ZNF425: variants seen among roughly 807,000 people sequenced by gnomAD.
ZNF425 encodes zinc finger protein 425.
A neutral mutation model predicts 17.0 loss-of-function variants in ZNF425; 21 were observed. The observed-to-expected ratio is 1.23, with a 90% confidence interval of 0.88 to 1.78. ZNF425 has a LOEUF of 1.78. Ranked by LOEUF, ZNF425 falls within the 40% of genes most tolerant of loss-of-function variation. The probability of loss-of-function intolerance (pLI) is 0.00; values close to 1 mark genes in which losing one functional copy is unlikely to be tolerated. For missense variants in ZNF425, 868 were observed against 967.3 expected (o/e 0.90, Z 1.36); for synonymous variants, 433 against 384.1 (o/e 1.13, Z -1.49).
intron 1 of ZNF425, among the ~76,000 whole-genome samples, chr7:149,121,754 G>C (rs1043878864): frequency 6.6e-6 from 1 of 152,104 alleles, no homozygotes; most frequent in Non-Finnish European, 1.5e-5. Flanking sequence ...CCAGCATTTG[G>C]CAATGTCACT....
At chr7:149,108,367 A>G (rs912615938) in intron 3 of ZNF425, among the ~76,000 whole-genome samples, 1 of 152,182 alleles carries the variant, frequency 6.6e-6, no homozygotes, top group African/African-American at 2.4e-5. Flanking sequence ...CAACATGATC[A>G]TATGATTTAG....
intron 1 of ZNF425, among the ~76,000 whole-genome samples, chr7:149,118,959 T>C (rs1216019383): frequency 2.0e-5 from 3 of 152,280 alleles, no homozygotes; most frequent in South Asian, 2.1e-4. Context: ...TGTCAGTTTT[T>C]GAAAAATGTT....
chr7:149,112,606 C>A (rs1826191952), intron 2 of ZNF425, among the ~76,000 whole-genome samples: 1 of 152,146 alleles, frequency 6.6e-6, no homozygotes, highest in African/African-American at 2.4e-5. Context: ...GCACCCCAGC[C>A]TAGGCAACAG....
At position 149,126,170 on chromosome 7, in the gene ZNF425, C is replaced by T. The variant is rs1484294873; in HGVS notation, c.18+26G>A. On this transcript the variant is annotated intron_variant, in intron 1 of 3. Transcript: ENST00000378061. ...ACAGGGACCCGAGTTTCGACAGAGCCTGCATCCTCCACCGGCCCTTCTTAC... is the reference window on the plus strand; with the variant it reads ...ACAGGGACCCGAGTTTCGACAGAGCTTGCATCCTCCACCGGCCCTTCTTAC... The T allele has an allele frequency of 9.3e-6, 15 of 1,613,138 alleles. No individual in the cohort carries two copies. The Admixed American group carries it at 2.2e-4, about 23-fold the overall frequency.
chr7:149,118,104 T>C, intron 2 of ZNF425, 118 bp downstream of exon 2: 4 of 1,094,646 alleles, frequency 3.7e-6, no homozygotes, highest in Non-Finnish European at 5.4e-6. Context: ...GGAGGAGACA[T>C]TATGAATGTA....
intron 1 of ZNF425, among the ~76,000 whole-genome samples, chr7:149,120,986 G>A (rs572778945): frequency 2.2e-4 from 24 of 106,738 alleles, no homozygotes; most frequent in Non-Finnish European, 4.5e-4. Flanking sequence ...AAATGCCCAG[G>A]ACTACAACTG....
At chr7:149,106,337 T>C (rs6970301) in intron 3 of ZNF425, among the ~76,000 whole-genome samples, 6,796 of 151,908 alleles carry the variant, frequency 0.045, 531 homozygotes, top group African/African-American at 0.15. Flanking sequence ...TCTGCCTCCC[T>C]GGTTTAAGCA....
intron 3 of ZNF425, among the ~76,000 whole-genome samples, chr7:149,108,537 A>C (rs1391919889): frequency 6.6e-6 from 1 of 152,176 alleles, no homozygotes; most frequent in Non-Finnish European, 1.5e-5. Flanking sequence ...ACCACCTTGT[A>C]CTAAGGGAAC....
intron 3 of ZNF425, among the ~76,000 whole-genome samples, chr7:149,109,766 G>A (rs1826142933): frequency 6.6e-6 from 1 of 151,916 alleles, no homozygotes; most frequent in African/African-American, 2.4e-5. Context: ...TTTTGCCCTC[G>A]CCTAACGTAC....
chr7:149,114,937 T>C (rs868544335), intron 2 of ZNF425, among the ~76,000 whole-genome samples: 6,874 of 122,442 alleles, frequency 0.056, 84 homozygotes, highest in African/African-American at 0.098. Flanking sequence ...TTTTCTTTTT[T>C]TTTTTTTTTT....
At chr7:149,112,323 A>G (rs1292331552) in intron 2 of ZNF425, 28 bp from the exon 3 acceptor site, 5 of 1,601,876 alleles carry the variant, frequency 3.1e-6, no homozygotes, top group Non-Finnish European at 4.3e-6. Flanking sequence ...ACAGACTTTG[A>G]GTTTACTGCA....
intron 2 of ZNF425, among the ~76,000 whole-genome samples, chr7:149,112,587 C>T (rs746382841): frequency 1.1e-4 from 17 of 152,154 alleles, no homozygotes; most frequent in African/African-American, 2.4e-4. Flanking sequence ...GAGTAGAGAT[C>T]GCGCCTCTGC....
At chr7:149,109,530 C>G (rs528042354) in intron 3 of ZNF425, among the ~76,000 whole-genome samples, 28 of 152,132 alleles carry the variant, frequency 1.8e-4, no homozygotes, top group Non-Finnish European at 3.4e-4. Flanking sequence ...TGGGATATTG[C>G]TCTCTCTCCT....
intron 1 of ZNF425, among the ~76,000 whole-genome samples, chr7:149,125,189 T>A (rs1487773886): frequency 6.6e-6 from 1 of 152,142 alleles, no homozygotes; most frequent in Non-Finnish European, 1.5e-5. Context: ...AAGGGAAGAA[T>A]CAAATGCAAA....
At chr7:149,125,696 C>A in intron 1 of ZNF425, 1 of 187,576 alleles carries the variant, frequency 5.3e-6, no homozygotes, top group Non-Finnish European at 1.1e-5. Flanking sequence ...ATTAAACAGA[C>A]GGGGTCTGGC....
Position 149,104,535 on chromosome 7 carries a change from C to T in ZNF425, c.1336G>A (p.Glu446Lys), listed in dbSNP as rs1411150994. ...CTCCAGAAGAAGCCCCTGCTGCACT[C>T]CGGGCACTGGAAGGGCCGCTTCCCA... ...HIGKRPFQCP[E>K]CSRGFFWRNA... The change falls in exon 4 of 4, where the codon GAG becomes AAG. Residue 446 changes from glutamate to lysine, a missense_variant. By Grantham distance (56) the Glu-to-Lys change is moderately conservative (BLOSUM62 1). Coordinates refer to ENST00000378061, the MANE Select transcript of ZNF425 (RefSeq NM_001001661.3). This position sits in a 1 kb window ranked among gnomAD's most constrained non-coding sequence, Gnocchi z 4.3. 3 of 1,609,702 alleles carry T rather than the reference C, an allele frequency of 1.9e-6. No individual in the cohort carries two copies. The highest frequency in any genetic ancestry group is 1.7e-5 in the Admixed American group (1 of 59,414).
chr7:149,118,492 T>A (rs1826302881), intron 1 of ZNF425, 144 bp from the exon 2 acceptor site: 5 of 1,011,298 alleles, frequency 4.9e-6, no homozygotes, highest in Non-Finnish European at 5.8e-6. Flanking sequence ...AACAAAGGGG[T>A]CACAAATATC....
chr7:149,109,909 C>T (rs1397004626), intron 3 of ZNF425, among the ~76,000 whole-genome samples: 1 of 148,862 alleles, frequency 6.7e-6, no homozygotes, highest in Non-Finnish European at 1.5e-5. Context: ...CAGAGTCTCG[C>T]TCTGTCACCC....
chr7:149,125,881 C>G (rs1278084260), intron 1 of ZNF425: 1 of 530,108 alleles, frequency 1.9e-6, no homozygotes, highest in Non-Finnish European at 3.4e-6. Flanking sequence ...AGGCACCGCG[C>G]GACGGACCTA....
Sources: gnomAD v4.1 joint callset for allele counts (sites outside exome capture counted in the v4.1 genomes callset) on GRCh38, gnomAD v4.1.1 for gene constraint, Gnocchi (gnomAD v3.1) non-coding constraint, MANE v1.5 for transcripts, NCBI Gene and HGNC (gene_info 2026-07-23, HGNC 2026-07-21) for gene names.